The following TOMM7 variants were observed in gnomAD, a reference collection of about 807,000 sequenced individuals.
TOMM7 encodes translocase of outer mitochondrial membrane 7, also known as mitochondrial import receptor subunit TOM7 homolog.
A neutral mutation model predicts 9.5 loss-of-function variants in TOMM7; 8 were observed. The observed-to-expected ratio is 0.84, with a 90% CI of 0.49 to 1.51. TOMM7 has a LOEUF of 1.51. Ranked by LOEUF, TOMM7 falls within the 40% of genes most tolerant of loss-of-function variation. TOMM7 has a pLI of 0.00. For missense variants in TOMM7, 74 were observed against 63.7 expected, an observed-to-expected ratio of 1.16 and a Z score of -0.55; for synonymous variants, 27 against 21.4, an observed-to-expected ratio of 1.26 and a Z score of -0.72.
intron 1 of TOMM7, chr7:22,822,361 G>T: frequency 7.5e-7 from 1 of 1,325,484 alleles, no homozygotes; most frequent in Non-Finnish European, 1.0e-6. Flanking sequence ...TAGTGCTAGA[G>T]AGTGAATTAG....
At position 22,822,694 on chromosome 7, in the gene TOMM7, G is replaced by T; in HGVS notation, c.86C>A (p.Pro29His). ...CCACTGACCCAGGTAAATCACAAGA[G>T]GGATAAAGCCCCAGCGAATGGCAAA... Reference protein sequence around the residue: ...SQFAIRWGFIPLVIYLGFKRG... With the variant: ...SQFAIRWGFIHLVIYLGFKRG... The change falls in exon 1 of 3, where the codon CCT becomes CAT. Residue 29 changes from proline (P) to histidine (H), a missense_variant. Transcript: ENST00000358435. The T allele has an allele frequency of 6.2e-7, 1 of 1,613,976 alleles. No individual in the cohort carries two copies. Among genetic ancestry groups the T allele is most frequent in the Non-Finnish European group, 8.5e-7 (1 of 1,179,828 alleles).
chr7:22,816,022 T>C (rs530925915), intron 2 of TOMM7, among the ~76,000 whole-genome samples: 15 of 152,246 alleles, frequency 9.9e-5, no homozygotes, highest in Admixed American at 8.5e-4. Context: ...TAAAAATATA[T>C]ATAGTTTATT....
intron 1 of TOMM7, 79 bp downstream of exon 1, chr7:22,822,598 C>T: frequency 7.7e-7 from 1 of 1,303,296 alleles, no homozygotes; most frequent in Non-Finnish European, 1.1e-6. Flanking sequence ...TCTCTCCCTC[C>T]CCCGACGGCC....
At chr7:22,815,148 A>C (rs901613622) in intron 2 of TOMM7, among the ~76,000 whole-genome samples, 1 of 152,178 alleles carries the variant, frequency 6.6e-6, no homozygotes, top group African/African-American at 2.4e-5. Context: ...TAGTATCAGG[A>C]AGGAGAGAAG....
chr7:22,813,681 T>C (rs1782278402), intron 2 of TOMM7, among the ~76,000 whole-genome samples: 1 of 151,606 alleles, frequency 6.6e-6, no homozygotes, highest in Admixed American at 6.6e-5. Flanking sequence ...CGATGTGGCC[T>C]AAGTGCCCTT....
At chr7:22,822,165 G>C (rs773727435) in intron 1 of TOMM7, 1 of 1,550,386 alleles carries the variant, frequency 6.5e-7, no homozygotes, top group South Asian at 1.2e-5. Flanking sequence ...TGTAAAATGG[G>C]GGCAGTAATA....
intron 1 of TOMM7, 164 bp from the exon 2 acceptor site, chr7:22,818,212 A>G (rs1409630063): frequency 3.3e-6 from 2 of 598,428 alleles, no homozygotes; most frequent in East Asian, 5.9e-5. Flanking sequence ...AGAAGTCTCC[A>G]ATCTTCATTA....
intron 2 of TOMM7, among the ~76,000 whole-genome samples, chr7:22,814,184 A>AT (rs58209526): frequency 6.8e-6 from 1 of 146,112 alleles, no homozygotes; most frequent in South Asian, 2.2e-4. Context: ...AAAAAAAAAA[A>AT]TACAAAAATA....
chr7:22,821,752 A>C (rs1051372345), intron 1 of TOMM7, among the ~76,000 whole-genome samples: 2 of 152,040 alleles, frequency 1.3e-5, no homozygotes, highest in African/African-American at 4.8e-5. Flanking sequence ...CTCAAAAAGG[A>C]AAAAAGGAAA....
chr7:22,814,833 G>A (rs545364038), intron 2 of TOMM7, among the ~76,000 whole-genome samples: 1 of 152,078 alleles, frequency 6.6e-6, no homozygotes, highest in East Asian at 1.9e-4. Context: ...ATAATTAACT[G>A]TATTATTTAC....
At chr7:22,820,229 G>A (rs1252583749) in intron 1 of TOMM7, among the ~76,000 whole-genome samples, 2 of 152,156 alleles carry the variant, frequency 1.3e-5, no homozygotes, top group Non-Finnish European at 2.9e-5. Context: ...TAAAGGAAAA[G>A]ACAATGATAG....
In TOMM7 at chr7:22,818,332, G is replaced by C. The variant is rs542762032; in HGVS notation, c.104-284C>G. ...CACCCAGGCTGGAGTGCTGTGGTAT[G>C]ATCTCGGCTCACTGCAACCTCTGTC... On this transcript the variant is annotated intron_variant, in intron 1 of 2. Coordinates refer to ENST00000358435, the MANE Select transcript of TOMM7 (RefSeq NM_019059.5). 2.2e-3 allele frequency: 564 copies of C among 261,936 alleles called. 11 individuals carry two copies. In the Middle Eastern group the frequency reaches 0.027, roughly 13 times the overall value. The allele number at this position is 261,936 out of a possible 1,614,324, so 16.2% of individuals were successfully genotyped here.
At chr7:22,818,908 G>A (rs908418886) in intron 1 of TOMM7, among the ~76,000 whole-genome samples, 4 of 151,844 alleles carry the variant, frequency 2.6e-5, no homozygotes, top group Non-Finnish European at 5.9e-5. Flanking sequence ...CACCATGCCT[G>A]GAGGAAAAAC....
In TOMM7 at chr7:22,818,065, A is replaced by G; in HGVS notation, c.104-17T>C. 1.2e-6 allele frequency: 2 copies of G among 1,612,000 alleles called. No homozygotes were observed. Among genetic ancestry groups the G allele is most frequent in the Non-Finnish European group, 1.7e-6 (2 of 1,178,366 alleles). On this transcript the variant is annotated splice_polypyrimidine_tract_variant and intron_variant, in intron 1 of 2. Transcript: ENST00000358435. Reference sequence around the variant, plus strand: ...TCTTAAATCCTGAATCAAGGAAGACAGAAGAGAAAAAATATTAATTAAAAC... The same window carrying G: ...TCTTAAATCCTGAATCAAGGAAGACGGAAGAGAAAAAATATTAATTAAAAC...
intron 1 of TOMM7, among the ~76,000 whole-genome samples, chr7:22,819,898 A>G (rs1025619377): frequency 2.0e-5 from 3 of 152,204 alleles, no homozygotes; most frequent in African/African-American, 7.2e-5. Context: ...GTCCAGACAG[A>G]TTCTCTATTA....
At chr7:22,822,529 G>T in intron 1 of TOMM7, 148 bp downstream of exon 1, 1 of 776,416 alleles carries the variant, frequency 1.3e-6, no homozygotes. Flanking sequence ...ACTCAGGTTA[G>T]ATCGGCCCCA....
chr7:22,816,982 G>A (rs1419590433), intron 2 of TOMM7, among the ~76,000 whole-genome samples: 1 of 152,150 alleles, frequency 6.6e-6, no homozygotes, highest in Non-Finnish European at 1.5e-5. Context: ...AGAAAAACAT[G>A]GCTTCGAGTA....
intron 1 of TOMM7, among the ~76,000 whole-genome samples, chr7:22,818,664 T>C (rs1001487029): frequency 6.6e-6 from 1 of 152,242 alleles, no homozygotes; most frequent in African/African-American, 2.4e-5. Context: ...GCCCTTAGCA[T>C]GTTCTATCTT....
chr7:22,817,460 C>T, intron 2 of TOMM7: 1 of 208,086 alleles, frequency 4.8e-6, no homozygotes, highest in Non-Finnish European at 1.0e-5. Context: ...CCAGGCTGGT[C>T]TTGAACTCCT....
Sources: allele counts gnomAD v4.1 joint callset (sites outside exome capture counted in the v4.1 genomes callset), GRCh38; gene constraint gnomAD v4.1.1; transcripts MANE v1.5; gene names NCBI Gene and HGNC (gene_info 2026-07-23, HGNC 2026-07-21).